The following FSTL5 variants were observed in gnomAD, a reference collection of about 807,000 sequenced individuals.
FSTL5 encodes the protein follistatin-related protein 5.
In FSTL5, 62 loss-of-function variants were observed where a neutral mutation model predicts 89.1. The ratio of observed to expected loss-of-function variants is 0.70; its 90% CI spans 0.57 to 0.86. FSTL5 has a LOEUF of 0.86. Ranked by LOEUF, FSTL5 falls within the 40% of genes least tolerant of loss-of-function variation. FSTL5 has a pLI of 0.00. For missense variants in FSTL5, 1,057 were observed against 1,001.6 expected, an observed-to-expected ratio of 1.06 and a Z score of -0.75; for synonymous variants, 383 against 346.2, an observed-to-expected ratio of 1.11 and a Z score of -1.18.
intron 10 of FSTL5, among the ~76,000 whole-genome samples, chr4:161,512,623 GT>G (rs1730687250): frequency 6.6e-6 from 1 of 151,972 alleles, no homozygotes; most frequent in Non-Finnish European, 1.5e-5. Flanking sequence ...TTTTAAAGGA[GT>G]AAGGACATTA....
At chr4:161,641,697 AG>A (rs1245454167) in intron 7 of FSTL5, among the ~76,000 whole-genome samples, 1 of 151,872 alleles carries the variant, frequency 6.6e-6, no homozygotes, top group Non-Finnish European at 1.5e-5. Flanking sequence ...TCACCGTGTT[AG>A]CCAGGATGGT....
intron 1 of FSTL5, among the ~76,000 whole-genome samples, chr4:162,116,115 G>A (rs929984190): frequency 6.6e-6 from 1 of 152,154 alleles, no homozygotes; most frequent in Non-Finnish European, 1.5e-5. Context: ...GGCCATTTCA[G>A]GTTCTTGACT....
intron 7 of FSTL5, among the ~76,000 whole-genome samples, chr4:161,593,092 A>C (rs1733886763): frequency 6.6e-6 from 1 of 152,130 alleles, no homozygotes; most frequent in Non-Finnish European, 1.5e-5. Context: ...GTTTATTTCT[A>C]AATTTTTAAT....
intron 4 of FSTL5, among the ~76,000 whole-genome samples, chr4:161,785,586 G>T (rs979114678): frequency 6.6e-6 from 1 of 152,146 alleles, no homozygotes; most frequent in South Asian, 2.1e-4. Flanking sequence ...ATAAACGACA[G>T]TCATAGAGAA....
intron 4 of FSTL5, among the ~76,000 whole-genome samples, chr4:161,825,685 C>A (rs1730645747): frequency 1.3e-5 from 2 of 152,002 alleles, no homozygotes; most frequent in South Asian, 4.1e-4. Flanking sequence ...TAAAGATGTT[C>A]TTAGTAGCCT....
At chr4:161,860,144 CG>C (rs2126888919) in intron 4 of FSTL5, among the ~76,000 whole-genome samples, 1 of 152,042 alleles carries the variant, frequency 6.6e-6, no homozygotes, top group Non-Finnish European at 1.5e-5. Context: ...AAAAATTAGC[CG>C]GGCGTGGTGG....
chr4:162,089,804 T>C (rs759931100), intron 2 of FSTL5, among the ~76,000 whole-genome samples: 2 of 152,162 alleles, frequency 1.3e-5, no homozygotes, highest in Non-Finnish European at 2.9e-5. Context: ...TATTAACCAA[T>C]GCTTGATAAA....
At chr4:162,023,450 CAT>C (rs1226703723) in intron 3 of FSTL5, among the ~76,000 whole-genome samples, 1 of 152,120 alleles carries the variant, frequency 6.6e-6, no homozygotes, top group African/African-American at 2.4e-5. Flanking sequence ...TTGGGCTTAA[CAT>C]CTTGTACCTC....
intron 10 of FSTL5, among the ~76,000 whole-genome samples, chr4:161,527,514 C>T (rs1437810824): frequency 6.6e-6 from 1 of 152,110 alleles, no homozygotes; most frequent in South Asian, 2.1e-4. Context: ...CAAAAGAAGA[C>T]ATTTATGCAG....
chr4:161,810,029 G>A (rs995135785), intron 4 of FSTL5, among the ~76,000 whole-genome samples: 1 of 152,074 alleles, frequency 6.6e-6, no homozygotes, highest in Non-Finnish European at 1.5e-5. Context: ...ACAAATTGGT[G>A]AGCCTAGACA....
At chr4:161,624,035 A>G (rs1338026125) in intron 7 of FSTL5, among the ~76,000 whole-genome samples, 1 of 152,060 alleles carries the variant, frequency 6.6e-6, no homozygotes, top group Non-Finnish European at 1.5e-5. Flanking sequence ...CTATTTATAT[A>G]CTGTTTTTCA....
intron 8 of FSTL5, among the ~76,000 whole-genome samples, chr4:161,566,135 T>TATATATATAC (rs1267325201): frequency 3.2e-3 from 176 of 55,016 alleles, no homozygotes; most frequent in East Asian, 0.031. Flanking sequence ...TATATATATA[T>TATATATATAC]ACACACACAC....
intron 6 of FSTL5, among the ~76,000 whole-genome samples, chr4:161,718,373 T>A (rs2126747650): frequency 6.6e-6 from 1 of 152,300 alleles, no homozygotes; most frequent in Non-Finnish European, 1.5e-5. Context: ...TTCATTAAAT[T>A]GTTTTATATT....
intron 1 of FSTL5, among the ~76,000 whole-genome samples, chr4:162,158,172 C>T (rs776111370): frequency 6.6e-6 from 1 of 151,946 alleles, no homozygotes; most frequent in African/African-American, 2.4e-5. Context: ...CTAAATTTCA[C>T]CAAGTGTTTG....
chr4:162,128,282 A>G (rs558299271), intron 1 of FSTL5, among the ~76,000 whole-genome samples: 1 of 152,346 alleles, frequency 6.6e-6, no homozygotes, highest in Non-Finnish European at 1.5e-5. Context: ...TCAAGTTTTC[A>G]TCAGAAGTTT....
At chr4:161,986,422 T>C (rs994947216) in intron 3 of FSTL5, among the ~76,000 whole-genome samples, 1 of 152,094 alleles carries the variant, frequency 6.6e-6, no homozygotes, top group Non-Finnish European at 1.5e-5. Flanking sequence ...CCTGGTGGCA[T>C]GTGCCTATAA....
At chr4:161,859,131 T>C (rs1232951244) in intron 4 of FSTL5, among the ~76,000 whole-genome samples, 1 of 152,156 alleles carries the variant, frequency 6.6e-6, no homozygotes, top group Admixed American at 6.5e-5. Context: ...ATTCATTCTA[T>C]CAAAAATGAA....
intron 4 of FSTL5, among the ~76,000 whole-genome samples, chr4:161,905,469 T>C (rs2110809403): frequency 6.6e-6 from 1 of 152,324 alleles, no homozygotes; most frequent in Middle Eastern, 3.4e-3. Flanking sequence ...AGCCACTTTT[T>C]ATTTTGGAAA....
chr4:161,386,772 C>T (rs982975543), intron 15 of FSTL5: 1 of 228,622 alleles, frequency 4.4e-6, no homozygotes, highest in African/African-American at 2.3e-5. Flanking sequence ...CTGTAAGTCT[C>T]TAGACCATGT....
Sources: gnomAD v4.1 joint callset for allele counts (sites outside exome capture counted in the v4.1 genomes callset) on GRCh38, gnomAD v4.1.1 for gene constraint, MANE v1.5 for transcripts, NCBI Gene and HGNC (gene_info 2026-07-23, HGNC 2026-07-21) for gene names.